The following TBL1X variants were observed in gnomAD, a reference collection of about 807,000 sequenced individuals.
TBL1X encodes F-box-like/WD repeat-containing protein TBL1X.
A neutral mutation model predicts 50.7 loss-of-function variants in TBL1X; 10 were observed. The observed-to-expected ratio is 0.20, with a 90% CI of 0.12 to 0.33. The LOEUF is 0.33. Ranked by LOEUF, TBL1X falls within the 10% of genes least tolerant of loss-of-function variation. The probability of loss-of-function intolerance (pLI) is 1.00; values close to 1 mark genes in which losing one functional copy is unlikely to be tolerated. For missense variants in TBL1X, 340 were observed against 504.4 expected, an observed-to-expected ratio of 0.67 and a Z score of 3.12; for synonymous variants, 190 against 214.7, an observed-to-expected ratio of 0.88 and a Z score of 1.01.
chrX:9,466,548 G>GT (rs1292251459), intron 1 of TBL1X, among the ~76,000 whole-genome samples: 2 of 112,424 alleles, frequency 1.8e-5, no homozygotes, highest in African/African-American at 6.5e-5. Context: ...ATTTGCAACT[G>GT]TTTCTGCTTT....
chrX:9,513,341 G>A (rs946692039), intron 2 of TBL1X, among the ~76,000 whole-genome samples: 1 of 110,723 alleles, frequency 9.0e-6, no homozygotes, highest in African/African-American at 3.3e-5. Flanking sequence ...TCACGAGGTG[G>A]CCTGATGGTG....
chrX:9,669,206 C>T (rs1243271884), intron 5 of TBL1X, among the ~76,000 whole-genome samples: 1 of 111,314 alleles, frequency 9.0e-6, no homozygotes, highest in Non-Finnish European at 1.9e-5. Flanking sequence ...GTTCCTGAGG[C>T]CCTGCAAGCT....
intron 2 of TBL1X, among the ~76,000 whole-genome samples, chrX:9,613,985 C>CAAAAAAAAAAAA (rs34481376): frequency 8.0e-5 from 4 of 50,198 alleles, no homozygotes; most frequent in Non-Finnish European, 1.1e-4. Context: ...GACTCCATCT[C>CAAAAAAAAAAAA]AAAAAAAAAA....
At chrX:9,487,774 T>C (rs1299097964) in intron 1 of TBL1X, among the ~76,000 whole-genome samples, 1 of 111,501 alleles carries the variant, frequency 9.0e-6, no homozygotes, top group Admixed American at 9.6e-5. Context: ...TGCAGGTCTC[T>C]CTTGTGTTGC....
At chrX:9,486,376 G>C (rs1463606417) in intron 1 of TBL1X, among the ~76,000 whole-genome samples, 1 of 109,759 alleles carries the variant, frequency 9.1e-6, no homozygotes, top group East Asian at 2.9e-4. Flanking sequence ...TAGGACTACA[G>C]GTGTGTGCCA....
chrX:9,710,478 A>G (rs2083239777), intron 15 of TBL1X, among the ~76,000 whole-genome samples: 1 of 111,673 alleles, frequency 9.0e-6, no homozygotes, highest in Non-Finnish European at 1.9e-5. Flanking sequence ...ATAGTGTGAT[A>G]TAGTACTACA....
At chrX:9,680,527 G>A (rs1406323429) in intron 5 of TBL1X, among the ~76,000 whole-genome samples, 1 of 111,250 alleles carries the variant, frequency 9.0e-6, no homozygotes, top group Non-Finnish European at 1.9e-5. Flanking sequence ...GTGGCAGAAC[G>A]AGGACAGAAC....
chrX:9,559,063 ATCT>A (rs2082313340), intron 2 of TBL1X, among the ~76,000 whole-genome samples: 1 of 111,770 alleles, frequency 8.9e-6, no homozygotes, highest in African/African-American at 3.3e-5. Flanking sequence ...TGATATTTGC[ATCT>A]TCTTTATTGT....
intron 2 of TBL1X, among the ~76,000 whole-genome samples, chrX:9,503,868 C>T (rs891992759): frequency 1.8e-5 from 2 of 112,624 alleles, no homozygotes; most frequent in African/African-American, 3.2e-5. Context: ...CCTGGTAGTT[C>T]CAAGGAATCT....
At chrX:9,569,715 C>A (rs1037550240) in intron 2 of TBL1X, among the ~76,000 whole-genome samples, 1 of 111,849 alleles carries the variant, frequency 8.9e-6, no homozygotes, top group Admixed American at 9.5e-5. Flanking sequence ...TCTGCCACTT[C>A]CTTTTTATTT....
chrX:9,672,538 C>G (rs1229858936), intron 5 of TBL1X, among the ~76,000 whole-genome samples: 1 of 111,088 alleles, frequency 9.0e-6, no homozygotes, highest in Non-Finnish European at 1.9e-5. Flanking sequence ...AGATGATGTT[C>G]TTTTTACCCT....
intron 5 of TBL1X, among the ~76,000 whole-genome samples, chrX:9,673,166 G>A (rs1374753653): frequency 8.9e-6 from 1 of 112,422 alleles, no homozygotes; most frequent in Non-Finnish European, 1.9e-5. Context: ...TTAGAAGGGC[G>A]GAGAGAAGCA....
At chrX:9,619,629 C>T (rs1473909425) in intron 2 of TBL1X, among the ~76,000 whole-genome samples, 2 of 112,548 alleles carry the variant, frequency 1.8e-5, no homozygotes, top group African/African-American at 6.5e-5. Context: ...TGTGTGTACT[C>T]GTACTTCATC....
At chrX:9,576,290 T>G (rs763164170) in intron 2 of TBL1X, among the ~76,000 whole-genome samples, 3 of 112,197 alleles carry the variant, frequency 2.7e-5, no homozygotes, top group African/African-American at 9.7e-5. Context: ...GTCTCTGCAT[T>G]TGGGCAGATG....
intron 2 of TBL1X, among the ~76,000 whole-genome samples, chrX:9,573,764 T>C (rs2082396930): frequency 8.9e-6 from 1 of 112,502 alleles, no homozygotes; most frequent in Non-Finnish European, 1.9e-5. Flanking sequence ...TCCTCACGGG[T>C]GAGAGTCCAG....
intron 15 of TBL1X, among the ~76,000 whole-genome samples, chrX:9,711,374 A>G (rs898626342): frequency 1.8e-5 from 2 of 110,613 alleles, no homozygotes; most frequent in Admixed American, 9.6e-5. Context: ...AAACAAATGT[A>G]GATATCAAAT....
intron 2 of TBL1X, among the ~76,000 whole-genome samples, chrX:9,528,890 G>T (rs2082145845): frequency 9.1e-6 from 1 of 110,464 alleles, no homozygotes; most frequent in African/African-American, 3.3e-5. Flanking sequence ...GGGTGAGGGT[G>T]GCAGCTGGAG....
At chrX:9,698,903 G>T in intron 12 of TBL1X, among the ~76,000 whole-genome samples, 1 of 24 alleles carries the variant, frequency 0.042, no homozygotes, top group African/African-American at 0.14. Flanking sequence ...GGCCACATGC[G>T]TTACCCAGGG....
At chrX:9,559,676 G>A (rs2082316031) in intron 2 of TBL1X, among the ~76,000 whole-genome samples, 1 of 111,605 alleles carries the variant, frequency 9.0e-6, no homozygotes, top group Admixed American at 9.5e-5. Flanking sequence ...TGAATGTAGT[G>A]GAAATTCTTT....
Sources: allele counts gnomAD v4.1 joint callset (sites outside exome capture counted in the v4.1 genomes callset), GRCh38; gene constraint gnomAD v4.1.1; transcripts MANE v1.5; gene names NCBI Gene and HGNC (gene_info 2026-07-23, HGNC 2026-07-21).